The following FHIT variants were observed in gnomAD, a reference collection of about 807,000 sequenced individuals.
The protein encoded by FHIT is bis(5'-adenosyl)-triphosphatase.
Under a neutral mutation model 17.9 loss-of-function variants are expected in FHIT, and 19 were observed. The observed-to-expected ratio is 1.06, with a 90% confidence interval of 0.74 to 1.56. FHIT has a LOEUF of 1.56. Ranked by LOEUF, FHIT falls within the 40% of genes most tolerant of loss-of-function variation. The pLI is 0.00. For missense variants in FHIT, 248 were observed against 189.2 expected (o/e 1.31, Z -1.82); for synonymous variants, 81 against 69.7 (o/e 1.16, Z -0.81).
chr3:60,312,776 G>GTA (rs1709005041), intron 5 of FHIT, among the ~76,000 whole-genome samples: 1 of 152,054 alleles, frequency 6.6e-6, no homozygotes. Flanking sequence ...ATATACATAC[G>GTA]TATATACACA....
intron 2 of FHIT, among the ~76,000 whole-genome samples, chr3:61,057,073 A>C (rs2034250223): frequency 6.6e-6 from 1 of 152,234 alleles, no homozygotes; most frequent in African/African-American, 2.4e-5. Flanking sequence ...GGCTAACACA[A>C]ACATGACAAG....
chr3:59,898,343 T>A (rs1375939439), intron 8 of FHIT, among the ~76,000 whole-genome samples: 4 of 152,092 alleles, frequency 2.6e-5, no homozygotes, highest in African/African-American at 9.7e-5. Flanking sequence ...CTGAACCACT[T>A]CTAGGCCCAA....
At chr3:60,569,103 T>A (rs751823552) in intron 4 of FHIT, among the ~76,000 whole-genome samples, 1 of 152,188 alleles carries the variant, frequency 6.6e-6, no homozygotes, top group Non-Finnish European at 1.5e-5. Flanking sequence ...CATTTTCCTA[T>A]TACAGTTTAA....
chr3:60,487,166 CTGAG>C (rs2033879041), intron 5 of FHIT, among the ~76,000 whole-genome samples: 1 of 152,176 alleles, frequency 6.6e-6, no homozygotes, highest in African/African-American at 2.4e-5. Context: ...TAGTAAGGGA[CTGAG>C]TAAGAGACTT....
chr3:60,470,780 G>C (rs868582422), intron 5 of FHIT, among the ~76,000 whole-genome samples: 3 of 152,038 alleles, frequency 2.0e-5, no homozygotes. Context: ...AAGCAGAAGG[G>C]ATCTCTCCCT....
At chr3:61,105,501 C>T (rs975536794) in intron 2 of FHIT, among the ~76,000 whole-genome samples, 3 of 151,884 alleles carry the variant, frequency 2.0e-5, no homozygotes, top group Admixed American at 2.0e-4. Flanking sequence ...TGAGAGTCTG[C>T]AAATTCTGTT....
chr3:60,732,638 G>A (rs2042053789), intron 4 of FHIT: 1 of 477,680 alleles, frequency 2.1e-6, no homozygotes, highest in Non-Finnish European at 4.0e-6. Flanking sequence ...GTTGACCATG[G>A]CTGATAGTAG....
At chr3:60,861,086 A>T (rs552075749) in intron 3 of FHIT, among the ~76,000 whole-genome samples, 2 of 94,696 alleles carry the variant, frequency 2.1e-5, no homozygotes, top group South Asian at 5.9e-4. Flanking sequence ...TACGTCATAT[A>T]TATCAGATAT....
intron 2 of FHIT, among the ~76,000 whole-genome samples, chr3:61,147,122 A>G (rs144858680): frequency 9.7e-4 from 147 of 152,076 alleles, no homozygotes; most frequent in African/African-American, 3.2e-3. Flanking sequence ...CTACCTCTCA[A>G]AACAGTGCAG....
At chr3:60,199,089 G>C (rs1030019787) in intron 5 of FHIT, among the ~76,000 whole-genome samples, 2 of 152,136 alleles carry the variant, frequency 1.3e-5, no homozygotes, top group Non-Finnish European at 2.9e-5. Context: ...CATTATTTCT[G>C]TGCAAAAGAA....
chr3:60,076,876 CGACT>C (rs10527581), intron 5 of FHIT, among the ~76,000 whole-genome samples: 98,632 of 151,504 alleles, frequency 0.65, 33,008 homozygotes, highest in Middle Eastern at 0.77. Context: ...AAGTGAGACA[CGACT>C]GACTGAAAGG....
intron 5 of FHIT, among the ~76,000 whole-genome samples, chr3:60,246,854 G>A (rs1705421356): frequency 6.6e-6 from 1 of 152,020 alleles, no homozygotes. Flanking sequence ...TTCTCTTACT[G>A]GGTTTTCAAA....
intron 4 of FHIT, among the ~76,000 whole-genome samples, chr3:60,553,665 A>T (rs767865140): frequency 2.1e-4 from 32 of 151,714 alleles, no homozygotes; most frequent in Non-Finnish European, 4.1e-4. Flanking sequence ...ATGGTATCAT[A>T]TTTACAAAAA....
chr3:60,723,272 G>A (rs995557021), intron 4 of FHIT, among the ~76,000 whole-genome samples: 11 of 152,164 alleles, frequency 7.2e-5, no homozygotes, highest in African/African-American at 2.7e-4. Context: ...TTAACACAGA[G>A]CAGGCTCGAG....
intron 4 of FHIT, among the ~76,000 whole-genome samples, chr3:60,546,099 A>C (rs2036350235): frequency 6.6e-6 from 1 of 150,510 alleles, no homozygotes; most frequent in Non-Finnish European, 1.5e-5. Context: ...TGTTCTCTTG[A>C]ATTTTTTTTT....
chr3:60,069,900 C>A (rs1185458253), intron 5 of FHIT, among the ~76,000 whole-genome samples: 1 of 152,158 alleles, frequency 6.6e-6, no homozygotes, highest in African/African-American at 2.4e-5. Flanking sequence ...TATAAATTTA[C>A]CATATAAAAA....
intron 5 of FHIT, among the ~76,000 whole-genome samples, chr3:60,224,582 C>T (rs1704104783): frequency 6.6e-6 from 1 of 152,130 alleles, no homozygotes; most frequent in African/African-American, 2.4e-5. Flanking sequence ...AGCTGCCTGA[C>T]GTACTGATTA....
intron 5 of FHIT, among the ~76,000 whole-genome samples, chr3:60,029,507 C>T (rs1341360639): frequency 6.6e-6 from 1 of 152,164 alleles, no homozygotes; most frequent in Non-Finnish European, 1.5e-5. Context: ...CAGTCTCTCT[C>T]CAGAAAGAGC....
intron 5 of FHIT, among the ~76,000 whole-genome samples, chr3:60,505,183 A>G (rs546826839): frequency 6.6e-6 from 1 of 152,362 alleles, no homozygotes; most frequent in East Asian, 1.9e-4. Flanking sequence ...TTATTTTAAT[A>G]GATAAAAGGC....
Sources: allele counts gnomAD v4.1 joint callset (sites outside exome capture counted in the v4.1 genomes callset), GRCh38; gene constraint gnomAD v4.1.1; transcripts MANE v1.5; gene names NCBI Gene and HGNC (gene_info 2026-07-23, HGNC 2026-07-21).